The following KRAS variants were observed in gnomAD, a reference collection of about 807,000 sequenced individuals.
KRAS encodes the protein KRas proto-oncogene, GTPase.
A neutral mutation model predicts 21.0 loss-of-function variants in KRAS; 1 was observed. That is an observed-to-expected ratio of 0.05 (90% CI 0.02 to 0.23). The LOEUF (loss-of-function observed/expected upper bound fraction) is 0.23. Among genes scored for constraint, KRAS ranks in the 10% least tolerant of loss-of-function variants. The pLI is 1.00. For synonymous variants in KRAS, 67 were observed against 72.5 expected (o/e 0.92, Z 0.39); for missense variants, 107 against 221.8 (o/e 0.48, Z 3.29).
At position 25,205,978 on chromosome 12, in the gene KRAS, TA is replaced by T; in HGVS notation, c.*3816del. On this transcript the variant is annotated 3_prime_UTR_variant, in exon 5 of 5. Coordinates refer to ENST00000311936, the MANE Select transcript of KRAS (RefSeq NM_004985.5). ...CAGCTTTAAGGTAACTGCTGGGTTC[TA>T]AAAAACATTACTACACAATTATCAA... is the stretch of plus-strand genomic sequence containing the variant. 1 of 212,674 alleles carries T rather than the reference TA, an allele frequency of 4.7e-6. No individual in the cohort carries two copies. The highest frequency in any genetic ancestry group is 9.5e-6 in the Non-Finnish European group (1 of 105,176). The allele number at this position is 212,674 out of a possible 1,614,324, so 13.2% of individuals were successfully genotyped here.
intron 1 of KRAS, among the ~76,000 whole-genome samples, chr12:25,248,263 C>T (rs7298444): frequency 0.19 from 28,983 of 151,884 alleles, 2,872 homozygotes; most frequent in Middle Eastern, 0.24. Context: ...GAGGTCGAGA[C>T]CAGCCTGGCC....
rs558857467 is a variant in KRAS, at chr12:25,230,655, CTCTTT to C, written c.112-3248_112-3244del. Among the ~76,000 whole-genome samples, 133 of 152,266 alleles carry C rather than the reference CTCTTT, an allele frequency of 8.7e-4. 1 individual carries two copies. Among genetic ancestry groups the C allele is most frequent in the Middle Eastern group, 3.4e-3 (1 of 294 alleles). ...AAAAAGACATTTATCTCTTGCTTAT[CTCTTT>C]TCTTTGTACTAGATGCTATGTTAAA... On this transcript the variant is annotated intron_variant, in intron 2 of 4. Transcript: ENST00000311936.
intron 3 of KRAS, among the ~76,000 whole-genome samples, chr12:25,226,434 G>A (rs35081958): frequency 0.02 from 3,056 of 152,188 alleles, 65 homozygotes; most frequent in East Asian, 0.11. Flanking sequence ...TCCCGGTTCC[G>A]AACACCATTA....
At chr12:25,245,500 T>G (rs1213538404) in intron 1 of KRAS, 105 bp from the exon 2 acceptor site, 2 of 1,157,374 alleles carry the variant, frequency 1.7e-6, no homozygotes, top group African/African-American at 3.1e-5. Context: ...AAACTCACCT[T>G]TATATGAAAA....
At chr12:25,216,303 A>G (rs1455127921) in intron 4 of KRAS, among the ~76,000 whole-genome samples, 1 of 152,226 alleles carries the variant, frequency 6.6e-6, no homozygotes, top group Non-Finnish European at 1.5e-5. Context: ...TTTTAGAGAC[A>G]GGGTCTCACT....
Position 25,208,781 on chromosome 12 carries a change from T to C in KRAS, c.*1014A>G. The C allele has an allele frequency of 4.3e-6, 1 of 233,268 alleles. No homozygotes were observed. Among genetic ancestry groups the C allele is most frequent in the Non-Finnish European group, 8.5e-6 (1 of 118,302 alleles). 14.4% of individuals were successfully genotyped at this position (233,268 alleles called of 1,614,324 possible). A position where few individuals can be genotyped will look rare whatever the true frequency, so the allele number is the denominator to read the frequency against. On this transcript the variant is annotated 3_prime_UTR_variant, in exon 5 of 5. Coordinates refer to ENST00000311936, the MANE Select transcript of KRAS (RefSeq NM_004985.5). Reference sequence around the variant, plus strand: ...GAAACTCTCTATGAAAGCTCAAAGGTTCACACAGGGCCTGGCCTTGCAACC... The same window carrying C: ...GAAACTCTCTATGAAAGCTCAAAGGCTCACACAGGGCCTGGCCTTGCAACC...
In KRAS at chr12:25,208,623, TG is replaced by T. The variant is rs1411663260; in HGVS notation, c.*1171del. On this transcript the variant is annotated 3_prime_UTR_variant, in exon 5 of 5. Transcript: ENST00000311936. ...TCTTAAGAAACAAAAGCAATGCTCT[TG>T]ATTTGTCAGCAGGACCACCACAGAG... The T allele has an allele frequency of 3.0e-5, 7 of 233,092 alleles. No individual in the cohort carries two copies. The highest frequency in any genetic ancestry group is 5.1e-5 in the Non-Finnish European group (6 of 117,794). 14.4% of individuals were successfully genotyped at this position (233,092 alleles called of 1,614,324 possible).
intron 2 of KRAS, among the ~76,000 whole-genome samples, chr12:25,244,562 T>C (rs1294117298): frequency 1.3e-5 from 2 of 152,204 alleles, no homozygotes; most frequent in Non-Finnish European, 2.9e-5. Flanking sequence ...CAAGGTGTCT[T>C]ACAGGTCTTT....
intron 1 of KRAS, among the ~76,000 whole-genome samples, chr12:25,246,732 C>A (rs535056277): frequency 2.0e-5 from 3 of 151,744 alleles, no homozygotes; most frequent in African/African-American, 7.3e-5. Context: ...CTGGCTAACC[C>A]GGTGAAACCC....
At chr12:25,225,300 A>T (rs1167249818) in intron 4 of KRAS, 53 of 3,778 alleles carry the variant, frequency 0.014, no homozygotes, top group East Asian at 0.11. Flanking sequence ...ATATATATAT[A>T]TATATATATA....
At chr12:25,249,456 T>C (rs1020844397) in intron 1 of KRAS, among the ~76,000 whole-genome samples, 24 of 145,600 alleles carry the variant, frequency 1.6e-4, no homozygotes, top group Non-Finnish European at 2.8e-4. Context: ...CTGGGCATGG[T>C]GGCGTGCACC....
chr12:25,230,032 A>G (rs916703844), intron 2 of KRAS, among the ~76,000 whole-genome samples: 3 of 152,138 alleles, frequency 2.0e-5, no homozygotes, highest in Admixed American at 1.3e-4. Flanking sequence ...TCAGCCTCTC[A>G]AAGTGCTGGG....
Position 25,227,216 on chromosome 12 carries a change from T to C in KRAS, c.290+18A>G, listed in dbSNP as rs1951404839. Reference sequence around the variant, plus strand: ...ATTACTCCTTAATGTCAGCTTATTATATTCAATTTAAACCCACCTATAATG... The same window carrying C: ...ATTACTCCTTAATGTCAGCTTATTACATTCAATTTAAACCCACCTATAATG... On this transcript the variant is annotated intron_variant, in intron 3 of 4. Coordinates refer to ENST00000311936, the MANE Select transcript of KRAS (RefSeq NM_004985.5). The C allele has an allele frequency of 5.7e-6, 9 of 1,568,984 alleles. No homozygotes were observed. The highest frequency in any genetic ancestry group is 7.9e-6 in the Non-Finnish European group (9 of 1,139,424).
chr12:25,243,607 T>C (rs913840137), intron 2 of KRAS, among the ~76,000 whole-genome samples: 5 of 152,178 alleles, frequency 3.3e-5, no homozygotes, highest in South Asian at 2.1e-4. Flanking sequence ...TGACCTCTGA[T>C]TGGAAACAAA....
chr12:25,220,014 T>C (rs1010481584), intron 4 of KRAS, among the ~76,000 whole-genome samples: 7 of 152,226 alleles, frequency 4.6e-5, no homozygotes, highest in Non-Finnish European at 8.8e-5. Context: ...TATATTTAAA[T>C]TGAGACCCCC....
At chr12:25,249,826 T>G (rs1227277735) in intron 1 of KRAS, among the ~76,000 whole-genome samples, 5 of 152,110 alleles carry the variant, frequency 3.3e-5, no homozygotes, top group Non-Finnish European at 7.4e-5. Flanking sequence ...TAAATTAAAC[T>G]TCAAGTACTA....
chr12:25,231,500 T>C (rs2141517759), intron 2 of KRAS, among the ~76,000 whole-genome samples: 1 of 152,300 alleles, frequency 6.6e-6, no homozygotes, highest in East Asian at 1.9e-4. Context: ...CAACCTGTAA[T>C]GTGGGATATT....
rs754870563 is a variant in KRAS, at chr12:25,225,651, C to T, written c.413G>A (p.Gly138Glu). The change falls in exon 4 of 5, where the codon GGA becomes GAA. Residue 138 changes from glycine (G) to glutamate (E), a missense_variant. Gly to Glu is a moderately conservative substitution (Grantham distance 98). Around this residue, in one of 2 missense-constraint regions of KRAS, gnomAD observed 65 missense variants for 82.3 expected, o/e 0.79. Coordinates refer to ENST00000311936, the MANE Select transcript of KRAS (RefSeq NM_004985.5). The stretch of plus-strand genomic sequence containing the variant: ...TGCTGATGTTTCAATAAAAGGAATT[C>T]CATAACTTCTTGCTAAGTCCTGAGC... ...KQAQDLARSYGIPFIETSAKT... is the reference protein window; with the variant it reads ...KQAQDLARSYEIPFIETSAKT... 6.2e-7 allele frequency: 1 copy of T among 1,613,144 alleles called. No homozygotes were observed. The highest frequency in any genetic ancestry group is 8.5e-7 in the Non-Finnish European group (1 of 1,179,490).
intron 2 of KRAS, among the ~76,000 whole-genome samples, chr12:25,243,101 C>T (rs2970532): frequency 0.19 from 28,436 of 152,060 alleles, 2,846 homozygotes; most frequent in African/African-American, 0.26. Context: ...TTGGTAAATA[C>T]CAATCAAAAC....
Sources: allele counts gnomAD v4.1 joint callset (sites outside exome capture counted in the v4.1 genomes callset), GRCh38; gene constraint gnomAD v4.1.1; regional missense constraint gnomAD v4.1.1; transcripts MANE v1.5; gene names NCBI Gene and HGNC (gene_info 2026-07-23, HGNC 2026-07-21).